Variants in TDRD5 observed in about 807,000 individuals in gnomAD.
TDRD5 encodes the protein tudor domain-containing protein 5.
TDRD5 carries 41 observed loss-of-function variants against 120.6 expected under a neutral mutation model. The ratio of observed to expected loss-of-function variants is 0.34; its 90% CI spans 0.26 to 0.44. TDRD5 has a LOEUF of 0.44. TDRD5 is among the 20% of genes least tolerant of loss of function. The pLI is 1.00. For synonymous variants in TDRD5, 430 were observed against 433.7 expected (o/e 0.99, Z 0.11); for missense variants, 1,006 against 1,221.2 (o/e 0.82, Z 2.63).
At chr1:179,675,525 C>T (rs551792094) in intron 17 of TDRD5, among the ~76,000 whole-genome samples, 54 of 151,394 alleles carry the variant, frequency 3.6e-4, no homozygotes, top group African/African-American at 7.0e-4. Context: ...GTGATCCGCC[C>T]GCCTCGGCCT....
chr1:179,614,116 C>T (rs915367757), intron 4 of TDRD5, among the ~76,000 whole-genome samples: 4 of 152,082 alleles, frequency 2.6e-5, no homozygotes, highest in African/African-American at 9.7e-5. Context: ...AGATTGATTA[C>T]AGAAAACTTG....
chr1:179,604,964 G>A (rs1372662173), intron 4 of TDRD5, among the ~76,000 whole-genome samples: 1 of 152,118 alleles, frequency 6.6e-6, no homozygotes, highest in Non-Finnish European at 1.5e-5. Flanking sequence ...ACTGCTGTCA[G>A]TGGAGTATTG....
intron 17 of TDRD5, among the ~76,000 whole-genome samples, chr1:179,676,144 T>G (rs1680135738): frequency 6.6e-6 from 1 of 152,228 alleles, no homozygotes; most frequent in Non-Finnish European, 1.5e-5. Flanking sequence ...CTTTAAAGTT[T>G]ATTTTGTCTG....
intron 11 of TDRD5, among the ~76,000 whole-genome samples, chr1:179,648,559 C>T (rs1678532377): frequency 6.9e-6 from 1 of 144,262 alleles, no homozygotes; most frequent in Non-Finnish European, 1.5e-5. Flanking sequence ...CTAACCTGCA[C>T]ATTGTGCACA....
intron 6 of TDRD5, among the ~76,000 whole-genome samples, chr1:179,625,197 C>A (rs950845996): frequency 2.7e-5 from 4 of 150,184 alleles, no homozygotes; most frequent in Non-Finnish European, 5.9e-5. Flanking sequence ...CAAGATGTAT[C>A]ATAGACCTAA....
chr1:179,662,030 A>G (rs1679335991), intron 14 of TDRD5, 74 bp from the exon 15 acceptor site: 8 of 1,385,930 alleles, frequency 5.8e-6, no homozygotes, highest in Non-Finnish European at 5.6e-6. Context: ...GGAAAAAACT[A>G]TAAAACCTAA....
Position 179,652,074 on chromosome 1 carries a change from G to A in TDRD5, c.2037G>A (p.Thr679=), listed in dbSNP as rs779171277. Residue 679 remains threonine, a synonymous_variant, in exon 13 of 18, where the codon ACG becomes ACA. Coordinates refer to ENST00000444136, the MANE Select transcript of TDRD5 (RefSeq NM_001199085.3). ...AGCTCAACCCTTTAGCTTTATACACGACATCCAGTGGAGGGCCAGAGGACA... is the reference window on the plus strand; with the variant it reads ...AGCTCAACCCTTTAGCTTTATACACAACATCCAGTGGAGGGCCAGAGGACA... ...FSELNPLALY[T]TSSGGPEDIV... 4.0e-5 allele frequency: 65 copies of A among 1,613,232 alleles called. 1 individual carries two copies. Among genetic ancestry groups the A allele is most frequent in the Admixed American group, 3.5e-4 (21 of 59,906 alleles).
chr1:179,689,594 G>A (rs560704087), intron 17 of TDRD5, among the ~76,000 whole-genome samples: 4 of 152,280 alleles, frequency 2.6e-5, no homozygotes, highest in South Asian at 4.1e-4. Flanking sequence ...AGCCAGGGAC[G>A]TTTAAGTCTG....
intron 16 of TDRD5, among the ~76,000 whole-genome samples, chr1:179,665,637 A>G (rs1027531770): frequency 2.6e-5 from 4 of 152,136 alleles, no homozygotes; most frequent in African/African-American, 4.8e-5. Context: ...TACTCTAGCT[A>G]TTTAATAAGT....
intron 8 of TDRD5, among the ~76,000 whole-genome samples, chr1:179,635,074 TG>T (rs1055737119): frequency 6.6e-6 from 1 of 152,222 alleles, no homozygotes; most frequent in Non-Finnish European, 1.5e-5. Flanking sequence ...TTACTTATTT[TG>T]TTGTTATTAA....
At chr1:179,686,437 T>C (rs375406823) in intron 17 of TDRD5, among the ~76,000 whole-genome samples, 2 of 152,204 alleles carry the variant, frequency 1.3e-5, no homozygotes, top group Non-Finnish European at 2.9e-5. Context: ...CTGCTGGATT[T>C]GGTTTGCCAG....
intron 7 of TDRD5, among the ~76,000 whole-genome samples, chr1:179,632,455 C>G (rs898273958): frequency 2.0e-5 from 3 of 149,706 alleles, no homozygotes; most frequent in Non-Finnish European, 4.4e-5. Context: ...ATTAAAGTAA[C>G]TCATGTTCAT....
chr1:179,645,912 G>A (rs1274983399), intron 11 of TDRD5, among the ~76,000 whole-genome samples: 1 of 151,762 alleles, frequency 6.6e-6, no homozygotes, highest in Non-Finnish European at 1.5e-5. Flanking sequence ...TAATATCCTG[G>A]TGTGTTTTTA....
At chr1:179,599,587 A>G (rs1675588888) in intron 4 of TDRD5, among the ~76,000 whole-genome samples, 1 of 149,968 alleles carries the variant, frequency 6.7e-6, no homozygotes, top group Admixed American at 6.7e-5. Flanking sequence ...GGTGCTGTCC[A>G]TTTCATCTAG....
intron 11 of TDRD5, among the ~76,000 whole-genome samples, chr1:179,646,815 CAGAG>C (rs1026653198): frequency 1.3e-5 from 2 of 152,078 alleles, no homozygotes; most frequent in African/African-American, 4.8e-5. Flanking sequence ...CAACAACAGA[CAGAG>C]AGCCAAATCA....
chr1:179,636,276 A>G (rs1023600952), intron 9 of TDRD5, among the ~76,000 whole-genome samples: 1 of 152,176 alleles, frequency 6.6e-6, no homozygotes, highest in Non-Finnish European at 1.5e-5. Context: ...TCTGGGAAAA[A>G]GTATTTTAAC....
intron 6 of TDRD5, among the ~76,000 whole-genome samples, chr1:179,625,518 A>G (rs1677075328): frequency 6.6e-6 from 1 of 152,222 alleles, no homozygotes; most frequent in African/African-American, 2.4e-5. Flanking sequence ...TCACAAATGC[A>G]GATATGAGTG....
intron 17 of TDRD5, among the ~76,000 whole-genome samples, chr1:179,685,760 C>T (rs1230842543): frequency 6.6e-6 from 1 of 152,094 alleles, no homozygotes; most frequent in Non-Finnish European, 1.5e-5. Flanking sequence ...TCCTTCACAT[C>T]CCTTGTAAAT....
intron 11 of TDRD5, among the ~76,000 whole-genome samples, chr1:179,644,293 G>T (rs192084881): frequency 1.5e-3 from 227 of 152,174 alleles, no homozygotes; most frequent in Non-Finnish European, 2.3e-3. Flanking sequence ...TCCTTTAAAA[G>T]ACATAGAACT....
Sources: gnomAD v4.1 joint callset for allele counts (sites outside exome capture counted in the v4.1 genomes callset) on GRCh38, gnomAD v4.1.1 for gene constraint, MANE v1.5 for transcripts, NCBI Gene and HGNC (gene_info 2026-07-23, HGNC 2026-07-21) for gene names.